Variants in PLEKHG1 observed in about 807,000 individuals in gnomAD.
The protein encoded by PLEKHG1 is pleckstrin homology domain-containing family G member 1.
PLEKHG1 carries 44 observed loss-of-function variants against 100.8 expected under a neutral mutation model. The observed-to-expected ratio is 0.44, with a 90% CI of 0.34 to 0.56. The LOEUF (loss-of-function observed/expected upper bound fraction) is 0.56, where lower values mean the gene tolerates loss of function less well. PLEKHG1 is among the 20% of genes least tolerant of loss of function. The pLI, the probability that PLEKHG1 is intolerant of heterozygous loss-of-function variation, is 0.01. For synonymous variants in PLEKHG1, 640 were observed against 662.5 expected (o/e 0.97, Z 0.52); for missense variants, 1,545 against 1,720.9 (o/e 0.90, Z 1.81).
At chr6:150,709,009 G>A (rs188497155) in intron 3 of PLEKHG1, among the ~76,000 whole-genome samples, 129 of 152,318 alleles carry the variant, frequency 8.5e-4, no homozygotes, top group Non-Finnish European at 1.5e-3. Flanking sequence ...ATTGATAATA[G>A]TTAAGACATC....
At chr6:150,802,466 G>A (rs4869695) in intron 6 of PLEKHG1, among the ~76,000 whole-genome samples, 59,410 of 151,710 alleles carry the variant, frequency 0.39, 13,133 homozygotes, top group East Asian at 0.71. Flanking sequence ...TTAAGATCTC[G>A]GTTAAGCATA....
At chr6:150,638,419 C>T (rs1173486312) in intron 2 of PLEKHG1, among the ~76,000 whole-genome samples, 2 of 152,128 alleles carry the variant, frequency 1.3e-5, no homozygotes, top group African/African-American at 2.4e-5. Flanking sequence ...TCTGGAACAC[C>T]ACCCCTCCCC....
chr6:150,767,607 T>G (rs1784511477), intron 2 of PLEKHG1, among the ~76,000 whole-genome samples: 1 of 152,212 alleles, frequency 6.6e-6, no homozygotes, highest in South Asian at 2.1e-4. Flanking sequence ...AAGAAACAAT[T>G]ATCTAATGGA....
chr6:150,764,902 C>T (rs1784379501), intron 2 of PLEKHG1, among the ~76,000 whole-genome samples: 1 of 129,858 alleles, frequency 7.7e-6, no homozygotes, highest in African/African-American at 3.3e-5. Flanking sequence ...ACACTTGGCT[C>T]TTCAACTATA....
intron 4 of PLEKHG1, among the ~76,000 whole-genome samples, chr6:150,795,124 C>G (rs1434063506): frequency 6.6e-6 from 1 of 152,288 alleles, no homozygotes; most frequent in Non-Finnish European, 1.5e-5. Context: ...CATAGTGGCT[C>G]ATGCCTGTAA....
chr6:150,760,088 A>G (rs752148652), intron 2 of PLEKHG1, among the ~76,000 whole-genome samples: 2 of 152,110 alleles, frequency 1.3e-5, no homozygotes, highest in Admixed American at 6.5e-5. Context: ...TATTTTACTG[A>G]TTTTTTTCCC....
intron 1 of PLEKHG1, among the ~76,000 whole-genome samples, chr6:150,602,838 T>C (rs1392338143): frequency 1.3e-5 from 2 of 152,002 alleles, no homozygotes. Context: ...TATTTTTAAT[T>C]AAATGTAATG....
At chr6:150,764,041 C>T (rs574542055) in intron 2 of PLEKHG1, among the ~76,000 whole-genome samples, 1 of 152,282 alleles carries the variant, frequency 6.6e-6, no homozygotes, top group East Asian at 1.9e-4. Flanking sequence ...AGTTGGTCTG[C>T]ACATACCTGT....
At chr6:150,839,859 T>A in exon 16 of PLEKHG1, 3 of 1,611,892 alleles carry the variant, frequency 1.9e-6, no homozygotes, top group Non-Finnish European at 2.5e-6. Flanking sequence ...GTATTCCCAG[T>A]TGTATGACCA....
rs777099885 is a variant in PLEKHG1 at position 150,613,656 on chromosome 6, A to G, written c.-204+13639A>G. ...CCTCCTGGCTTCTGAAGAGGCTTCC[A>G]TAGGAGGGCCGCCTGGCTTCTTGGC... On this transcript the variant is annotated intron_variant, in intron 1 of 3. Transcript: ENST00000367326. Among the ~76,000 whole-genome samples, 209 of 152,306 alleles carry G rather than the reference A, an allele frequency of 1.4e-3. 1 individual carries two copies. Among genetic ancestry groups the G allele is most frequent in the Middle Eastern group, 3.4e-3 (1 of 294 alleles).
At chr6:150,835,210 G>T (rs1777162733) in intron 15 of PLEKHG1, among the ~76,000 whole-genome samples, 2 of 152,136 alleles carry the variant, frequency 1.3e-5, no homozygotes, top group African/African-American at 2.4e-5. Context: ...GCCTGTCATA[G>T]CATGCTGGCC....
chr6:150,777,618 G>A (rs1488718556), intron 3 of PLEKHG1, among the ~76,000 whole-genome samples: 1 of 151,084 alleles, frequency 6.6e-6, no homozygotes, highest in African/African-American at 2.4e-5. Context: ...TGGTGCACAT[G>A]TGTGGTTGCA....
intron 2 of PLEKHG1, among the ~76,000 whole-genome samples, chr6:150,737,446 C>T (rs1011048029): frequency 6.6e-6 from 1 of 151,702 alleles, no homozygotes; most frequent in Admixed American, 6.6e-5. Context: ...CGCCCGCCAC[C>T]GCCCCCGGCT....
intron 5 of PLEKHG1, among the ~76,000 whole-genome samples, chr6:150,796,985 T>C (rs908367182): frequency 6.6e-6 from 1 of 151,944 alleles, no homozygotes; most frequent in Non-Finnish European, 1.5e-5. Flanking sequence ...GGGGTTTTTT[T>C]GTTTTGTTTT....
At chr6:150,618,560 A>T (rs1777160347) in intron 1 of PLEKHG1, among the ~76,000 whole-genome samples, 1 of 152,256 alleles carries the variant, frequency 6.6e-6, no homozygotes, top group Admixed American at 6.5e-5. Context: ...TCTACCACAT[A>T]GATGCAATAG....
intron 3 of PLEKHG1, among the ~76,000 whole-genome samples, chr6:150,651,587 A>G (rs1778737119): frequency 6.6e-6 from 1 of 151,904 alleles, no homozygotes; most frequent in South Asian, 2.1e-4. Context: ...GACCAGGTAC[A>G]GTGGCTCACG....
Position 150,809,793 on chromosome 6 carries a change from TGG to T in PLEKHG1, c.1278+61_1278+62del, listed in dbSNP as rs1232367563. On this transcript the variant is annotated intron_variant, in intron 10 of 15. Coordinates refer to ENST00000358517, the Ensembl canonical transcript of PLEKHG1. Reference sequence around the variant, plus strand: ...GAGAGATACAAGAATCATTTGAACCTGGGAGGTGGAGGTTACTGTGAGCCGAG... The same window carrying T: ...GAGAGATACAAGAATCATTTGAACCTGAGGTGGAGGTTACTGTGAGCCGAG... The T allele has an allele frequency of 1.8e-5, 24 of 1,317,580 alleles. No homozygotes were observed. The African/African-American group carries it at 3.2e-4, about 18-fold the overall frequency. 81.6% of individuals were successfully genotyped at this position (1,317,580 alleles called of 1,614,324 possible).
intron 3 of PLEKHG1, among the ~76,000 whole-genome samples, chr6:150,690,508 A>G (rs1418938766): frequency 1.3e-5 from 2 of 152,202 alleles, no homozygotes; most frequent in African/African-American, 2.4e-5. Flanking sequence ...ACCTCCAAAT[A>G]TCAAATGTAA....
At chr6:150,750,603 A>AC (rs1420818863) in intron 2 of PLEKHG1, among the ~76,000 whole-genome samples, 1 of 151,352 alleles carries the variant, frequency 6.6e-6, no homozygotes, top group Non-Finnish European at 1.5e-5. Context: ...AAACGGTGAA[A>AC]CCCCGTCTCT....
Sources: allele counts gnomAD v4.1 joint callset (sites outside exome capture counted in the v4.1 genomes callset), GRCh38; gene constraint gnomAD v4.1.1; transcripts MANE v1.5; gene names NCBI Gene and HGNC (gene_info 2026-07-23, HGNC 2026-07-21).